The following SPPL3 variants were observed in gnomAD, a reference collection of about 807,000 sequenced individuals.
SPPL3 encodes signal peptide peptidase-like 3.
A neutral mutation model predicts 42.4 loss-of-function variants in SPPL3; 5 were observed. The observed-to-expected ratio is 0.12, with a 90% confidence interval of 0.06 to 0.25. The LOEUF (loss-of-function observed/expected upper bound fraction) is 0.25. Ranked by LOEUF, SPPL3 falls within the 10% of genes least tolerant of loss-of-function variation. The pLI, the probability that SPPL3 is intolerant of heterozygous loss-of-function variation, is 1.00. For synonymous variants in SPPL3, 195 were observed against 181.8 expected, an observed-to-expected ratio of 1.07 and a Z score of -0.58; for missense variants, 235 against 489.0, an observed-to-expected ratio of 0.48 and a Z score of 4.90.
chr12:120,871,142 A>AAAAAAAAAAAG (rs1872911317), intron 1 of SPPL3, among the ~76,000 whole-genome samples: 1 of 150,126 alleles, frequency 6.7e-6, no homozygotes, highest in African/African-American at 2.4e-5. Flanking sequence ...AAAAAAAAAA[A>AAAAAAAAAAAG]AAAAAAAGAA....
At chr12:120,792,880 ATC>A (rs917792378) in intron 2 of SPPL3, among the ~76,000 whole-genome samples, 4 of 152,092 alleles carry the variant, frequency 2.6e-5, no homozygotes, top group African/African-American at 9.7e-5. Flanking sequence ...CACATGGTAA[ATC>A]TCTGTGACCT....
intron 1 of SPPL3, among the ~76,000 whole-genome samples, chr12:120,860,349 A>G (rs539555860): frequency 3.9e-5 from 6 of 152,364 alleles, no homozygotes; most frequent in African/African-American, 1.4e-4. Flanking sequence ...ATACTCAACC[A>G]GAAATTTATG....
intron 6 of SPPL3, among the ~76,000 whole-genome samples, chr12:120,774,586 G>A (rs1173907485): frequency 6.6e-6 from 1 of 152,086 alleles, no homozygotes; most frequent in East Asian, 1.9e-4. Flanking sequence ...TGTATGAAGA[G>A]GCAGAAGGCA....
intron 3 of SPPL3, among the ~76,000 whole-genome samples, chr12:120,786,496 A>G (rs1008728707): frequency 5.9e-5 from 9 of 152,208 alleles, no homozygotes; most frequent in African/African-American, 2.2e-4. Context: ...TATGAAGAGA[A>G]AATTAAATGG....
chr12:120,811,180 A>G (rs1870672347), intron 1 of SPPL3: 1 of 219,328 alleles, frequency 4.6e-6, no homozygotes, highest in African/African-American at 2.3e-5. Flanking sequence ...CCCAATTTAA[A>G]AAGTATCAAA....
chr12:120,852,755 T>C (rs7138757), intron 1 of SPPL3, among the ~76,000 whole-genome samples: 5,429 of 41,660 alleles, frequency 0.13, 705 homozygotes, highest in East Asian at 0.31. Context: ...TTTCATATAT[T>C]ATATCTATGT....
Position 120,848,180 on chromosome 12 carries a change from GACAGAAT to G in SPPL3, c.24-37301_24-37295del, listed in dbSNP as rs1872106239. ...AGAGGAAATTCACTAGCACTGCCCTGACAGAATCTCAAGGTTGCTCTATAAGCAACTA... is the reference window on the plus strand; with the variant it reads ...AGAGGAAATTCACTAGCACTGCCCTGCTCAAGGTTGCTCTATAAGCAACTA... On this transcript the variant is annotated intron_variant, in intron 1 of 10. Coordinates refer to ENST00000353487, the MANE Select transcript of SPPL3 (RefSeq NM_139015.5). Among the ~76,000 whole-genome samples, 2 of 152,136 alleles carry G rather than the reference GACAGAAT, an allele frequency of 1.3e-5. 1 individual carries two copies. Among genetic ancestry groups the G allele is most frequent in the African/African-American group, 4.8e-5 (2 of 41,414 alleles).
rs572896162 is a variant in SPPL3 at position 120,880,848 on chromosome 12, CTAA to C, written c.23+22994_23+22996del. 4.2e-4 allele frequency among the ~76,000 whole-genome samples: 64 copies of C among 151,486 alleles called. 1 individual carries two copies. The highest frequency in any genetic ancestry group is 1.2e-3 in the African/African-American group (49 of 41,206). ...ATAAGGGATTGATATCCAGAATATACTAATAACTACAGCTCAACAACAATCAAC... is the reference window on the plus strand; with the variant it reads ...ATAAGGGATTGATATCCAGAATATACTAACTACAGCTCAACAACAATCAAC... On this transcript the variant is annotated intron_variant, in intron 1 of 10. Transcript: ENST00000353487.
At chr12:120,864,749 A>C (rs1872711024) in intron 1 of SPPL3, among the ~76,000 whole-genome samples, 1 of 152,200 alleles carries the variant, frequency 6.6e-6, no homozygotes, top group Non-Finnish European at 1.5e-5. Flanking sequence ...CTTTTCCTTA[A>C]AACAACCACA....
intron 1 of SPPL3, among the ~76,000 whole-genome samples, chr12:120,821,169 T>C (rs1324176429): frequency 6.6e-6 from 1 of 152,194 alleles, no homozygotes; most frequent in African/African-American, 2.4e-5. Context: ...TCTTATTGCC[T>C]AGGATAGATA....
At chr12:120,885,572 A>G (rs377542073) in intron 1 of SPPL3, among the ~76,000 whole-genome samples, 1 of 152,188 alleles carries the variant, frequency 6.6e-6, no homozygotes, top group Admixed American at 6.5e-5. Flanking sequence ...AAATCCTGTT[A>G]AAGTATTTGT....
At chr12:120,876,962 T>C (rs1320681537) in intron 1 of SPPL3, among the ~76,000 whole-genome samples, 2 of 151,794 alleles carry the variant, frequency 1.3e-5, no homozygotes, top group African/African-American at 4.8e-5. Context: ...TAAAATCATC[T>C]AGCTAAACTG....
At chr12:120,882,488 C>A (rs1873320380) in intron 1 of SPPL3, among the ~76,000 whole-genome samples, 1 of 152,018 alleles carries the variant, frequency 6.6e-6, no homozygotes, top group South Asian at 2.1e-4. Context: ...TTTTCATGCA[C>A]ACATTTCTAG....
intron 1 of SPPL3, among the ~76,000 whole-genome samples, chr12:120,840,935 A>G (rs1244822070): frequency 9.5e-6 from 1 of 105,340 alleles, no homozygotes; most frequent in Non-Finnish European, 2.0e-5. Context: ...GTGAGACTCC[A>G]TTTCATTCAT....
At chr12:120,806,197 ATTTT>A (rs35141421) in intron 2 of SPPL3, among the ~76,000 whole-genome samples, 2 of 144,296 alleles carry the variant, frequency 1.4e-5, no homozygotes, top group African/African-American at 5.1e-5. Context: ...TTTATGGTCG[ATTTT>A]TTTTTTTTTT....
At chr12:120,886,893 A>G (rs1475561756) in intron 1 of SPPL3, among the ~76,000 whole-genome samples, 1 of 152,178 alleles carries the variant, frequency 6.6e-6, no homozygotes, top group African/African-American at 2.4e-5. Flanking sequence ...AAATGTGGCT[A>G]GTCTGAATTG....
Position 120,762,636 on chromosome 12 carries a change from C to T in SPPL3, c.*2363G>A, listed in dbSNP as rs1039028364. The T allele has an allele frequency of 6.6e-6, 1 of 150,490 alleles. No homozygotes were observed. The highest frequency in any genetic ancestry group is 6.7e-5 in the Admixed American group (1 of 15,018). 9.3% of individuals were successfully genotyped at this position (150,490 alleles called of 1,614,324 possible). ...TGAGATGGAGTCTCACCCTGTCGCC[C>T]AGACTTGAGTGCAGTGGCGCAATCT... On this transcript the variant is annotated 3_prime_UTR_variant, in exon 11 of 11. Coordinates refer to ENST00000353487, the MANE Select transcript of SPPL3 (RefSeq NM_139015.5).
intron 1 of SPPL3, among the ~76,000 whole-genome samples, chr12:120,844,598 G>A (rs530642200): frequency 6.6e-6 from 1 of 152,108 alleles, no homozygotes; most frequent in Non-Finnish European, 1.5e-5. Flanking sequence ...AGTTTCACTG[G>A]TCTTCTTTCT....
At chr12:120,772,034 T>A (rs1869142879) in intron 6 of SPPL3, among the ~76,000 whole-genome samples, 1 of 152,130 alleles carries the variant, frequency 6.6e-6, no homozygotes, top group Non-Finnish European at 1.5e-5. Context: ...TCTTTTTTTG[T>A]TTTTTTGAGA....
Sources: gnomAD v4.1 joint callset for allele counts (sites outside exome capture counted in the v4.1 genomes callset) on GRCh38, gnomAD v4.1.1 for gene constraint, MANE v1.5 for transcripts, NCBI Gene and HGNC (gene_info 2026-07-23, HGNC 2026-07-21) for gene names.